Variants in AKAP6 observed in about 807,000 individuals in gnomAD.
AKAP6 encodes the protein A-kinase anchor protein 6.
Under a neutral mutation model 188.5 loss-of-function variants are expected in AKAP6, and 58 were observed. The observed-to-expected ratio is 0.31, with a 90% CI of 0.25 to 0.38. AKAP6 has a LOEUF of 0.38. Among genes scored for constraint, AKAP6 ranks in the 10% least tolerant of loss-of-function variants. AKAP6 has a pLI of 1.00. For missense variants in AKAP6, 2,710 were observed against 2,740.0 expected, an observed-to-expected ratio of 0.99 and a Z score of 0.24; for synonymous variants, 989 against 998.6, an observed-to-expected ratio of 0.99 and a Z score of 0.18.
intron 2 of AKAP6, chr14:32,439,124 A>G (rs932009107): frequency 6.6e-6 from 1 of 152,214 alleles, no homozygotes; most frequent in Non-Finnish European, 1.5e-5. Flanking sequence ...AAGTTAGAGT[A>G]GTCAACAGAG....
In AKAP6 at chr14:32,535,674, C is replaced by T; in HGVS notation, c.445C>T (p.Leu149Phe). The T allele has an allele frequency of 6.2e-7, 1 of 1,614,210 alleles. No homozygotes were observed. The highest frequency in any genetic ancestry group is 8.5e-7 in the Non-Finnish European group (1 of 1,180,010). ...GATAGTGGACATCCACGCAGTGCAGCTCCTCTGGCACCAGCTTCGAGTCTC... is the reference window on the plus strand; with the variant it reads ...GATAGTGGACATCCACGCAGTGCAGTTCCTCTGGCACCAGCTTCGAGTCTC... ...NVIVDIHAVQ[L>F]LWHQLRVSVL... The change falls in exon 3 of 14, where the codon CTC becomes TTC. Residue 149 changes from leucine to phenylalanine, a missense_variant. Physicochemically the swap from Leu to Phe is conservative, Grantham distance 22. Transcript: ENST00000280979.
chr14:32,787,113 T>G (rs1474509363), intron 12 of AKAP6, among the ~76,000 whole-genome samples: 1 of 152,218 alleles, frequency 6.6e-6, no homozygotes, highest in African/African-American at 2.4e-5. Context: ...ATCATGGTAA[T>G]TGAGGTAACA....
chr14:32,490,786 T>G (rs915219405), intron 2 of AKAP6, among the ~76,000 whole-genome samples: 2 of 152,240 alleles, frequency 1.3e-5, no homozygotes, highest in Admixed American at 6.5e-5. Flanking sequence ...ATATTTATAC[T>G]ATATCTTCAG....
chr14:32,440,017 G>A (rs1402711200), intron 2 of AKAP6, among the ~76,000 whole-genome samples: 1 of 152,160 alleles, frequency 6.6e-6, no homozygotes, highest in Admixed American at 6.5e-5. Flanking sequence ...TTAGCAGGTT[G>A]TGAAATCAGT....
chr14:32,729,858 G>C (rs1448847214), intron 9 of AKAP6, among the ~76,000 whole-genome samples: 1 of 152,076 alleles, frequency 6.6e-6, no homozygotes, highest in East Asian at 1.9e-4. Context: ...AACATCCCCA[G>C]ACTACAGGAC....
intron 5 of AKAP6, among the ~76,000 whole-genome samples, chr14:32,589,958 G>C (rs1473361001): frequency 6.6e-6 from 1 of 152,038 alleles, no homozygotes; most frequent in Non-Finnish European, 1.5e-5. Flanking sequence ...AGATTCATGA[G>C]CTTACCCTAC....
At chr14:32,565,824 A>G (rs1884161219) in intron 4 of AKAP6, among the ~76,000 whole-genome samples, 1 of 152,218 alleles carries the variant, frequency 6.6e-6, no homozygotes, top group Non-Finnish European at 1.5e-5. Context: ...AGTTCTCAGA[A>G]TAAGCTGTTC....
At chr14:32,438,155 A>G (rs1450756892) in intron 2 of AKAP6, among the ~76,000 whole-genome samples, 1 of 152,204 alleles carries the variant, frequency 6.6e-6, no homozygotes, top group African/African-American at 2.4e-5. Flanking sequence ...GGACAAAGGC[A>G]TTGGATGAAT....
At chr14:32,581,243 C>T (rs376384682) in intron 5 of AKAP6, among the ~76,000 whole-genome samples, 3 of 152,128 alleles carry the variant, frequency 2.0e-5, no homozygotes, top group Non-Finnish European at 4.4e-5. Flanking sequence ...GTCTTCATTT[C>T]GTTATGTACC....
intron 1 of AKAP6, among the ~76,000 whole-genome samples, chr14:32,375,752 G>T (rs1046377678): frequency 6.6e-6 from 1 of 152,146 alleles, no homozygotes; most frequent in African/African-American, 2.4e-5. Flanking sequence ...ATCAGGGAAA[G>T]AAAAATAATT....
intron 7 of AKAP6, among the ~76,000 whole-genome samples, chr14:32,636,179 G>A (rs930708992): frequency 6.6e-6 from 1 of 152,048 alleles, no homozygotes; most frequent in Non-Finnish European, 1.5e-5. Flanking sequence ...GCAGCAAATG[G>A]TACATGTGCA....
intron 1 of AKAP6, among the ~76,000 whole-genome samples, chr14:32,336,121 G>A (rs1351882767): frequency 6.6e-6 from 1 of 151,978 alleles, no homozygotes; most frequent in Non-Finnish European, 1.5e-5. Context: ...ATGTCACAGT[G>A]AGAAGTGGCT....
At chr14:32,750,306 C>G (rs1006186499) in intron 11 of AKAP6, among the ~76,000 whole-genome samples, 2 of 151,818 alleles carry the variant, frequency 1.3e-5, no homozygotes, top group Admixed American at 6.6e-5. Flanking sequence ...CAGCCTATTT[C>G]CCTATTTTTG....
Position 32,824,301 on chromosome 14 carries a change from ACT to A in AKAP6, c.6491_6492del (p.Ser2164Ter). On this transcript the variant is annotated frameshift_variant, in exon 13 of 14. Coordinates refer to ENST00000280979, the MANE Select transcript of AKAP6 (RefSeq NM_004274.5). LOFTEE classifies it high-confidence loss of function. ...TTTTTTGAGGCCTGTGTTGAGGGTG[ACT>A]CTGATGGAGAGGAGCCTTGTTTCTC... is the stretch of plus-strand genomic sequence containing the variant. 1 of 1,613,740 alleles carries A rather than the reference ACT, an allele frequency of 6.2e-7. No individual in the cohort carries two copies. Among genetic ancestry groups the A allele is most frequent in the Non-Finnish European group, 8.5e-7 (1 of 1,179,890 alleles).
chr14:32,829,534 T>G (rs1362269545), intron 13 of AKAP6, among the ~76,000 whole-genome samples: 1 of 151,962 alleles, frequency 6.6e-6, no homozygotes, highest in African/African-American at 2.4e-5. Flanking sequence ...CCAAACTGAG[T>G]GCACAGGCAA....
intron 4 of AKAP6, among the ~76,000 whole-genome samples, chr14:32,552,350 C>G (rs1039192267): frequency 6.6e-6 from 1 of 152,240 alleles, no homozygotes; most frequent in East Asian, 1.9e-4. Context: ...GGACTGATGT[C>G]TGAGATTCAA....
chr14:32,367,166 G>A (rs977593037), intron 1 of AKAP6, among the ~76,000 whole-genome samples: 20 of 152,144 alleles, frequency 1.3e-4, no homozygotes, highest in African/African-American at 4.8e-4. Flanking sequence ...CTTCAGACTT[G>A]GCAGCTGGGA....
At chr14:32,594,048 GA>G (rs1885590265) in intron 5 of AKAP6, among the ~76,000 whole-genome samples, 1 of 152,164 alleles carries the variant, frequency 6.6e-6, no homozygotes, top group African/African-American at 2.4e-5. Context: ...AATTCGTAAT[GA>G]TTTTTTTAGC....
intron 7 of AKAP6, among the ~76,000 whole-genome samples, chr14:32,631,953 G>C (rs1887290722): frequency 6.6e-6 from 1 of 152,028 alleles, no homozygotes; most frequent in African/African-American, 2.4e-5. Context: ...AGAGTTTTAG[G>C]AAAAGGCATT....
Sources: allele counts gnomAD v4.1 joint callset (sites outside exome capture counted in the v4.1 genomes callset), GRCh38; gene constraint gnomAD v4.1.1; transcripts MANE v1.5; gene names NCBI Gene and HGNC (gene_info 2026-07-23, HGNC 2026-07-21).